The following IQCH variants were observed in gnomAD, a reference collection of about 807,000 sequenced individuals.
The protein encoded by IQCH is IQ motif containing H, also known as IQ domain-containing protein H.
Under a neutral mutation model 117.0 loss-of-function variants are expected in IQCH, and 98 were observed. The ratio of observed to expected loss-of-function variants is 0.84; its 90% CI spans 0.71 to 0.99. The LOEUF (loss-of-function observed/expected upper bound fraction) is 0.99, where lower values mean the gene tolerates loss of function less well. Among genes scored for constraint, IQCH ranks in the 50% least tolerant of loss-of-function variants. The pLI is 0.00. For missense variants in IQCH, 1,102 were observed against 1,243.8 expected (o/e 0.89, Z 1.72); for synonymous variants, 412 against 448.2 (o/e 0.92, Z 1.02).
rs1232568454 is a variant in IQCH, at chr15:67,369,082, G to A, written c.754-3029G>A. On this transcript the variant is annotated intron_variant, in intron 8 of 20. Coordinates refer to ENST00000335894, the MANE Select transcript of IQCH (RefSeq NM_001031715.3). This position sits in a 1 kb window ranked among gnomAD's most constrained non-coding sequence, Gnocchi z 5.2. ...TCTAAATTTTAGAATGCAACACTGG[G>A]TCTATCTTTTTTGCTTAACATCTGT... is the stretch of plus-strand genomic sequence containing the variant. Among the ~76,000 whole-genome samples, 4 of 152,030 alleles carry A rather than the reference G, an allele frequency of 2.6e-5. No homozygotes were observed. Among genetic ancestry groups the A allele is most frequent in the Non-Finnish European group, 4.4e-5 (3 of 68,008 alleles).
At chr15:67,418,513 CCACACACACACA>C (rs368875296) in intron 15 of IQCH, among the ~76,000 whole-genome samples, 90 of 114,108 alleles carry the variant, frequency 7.9e-4, no homozygotes, top group Middle Eastern at 5.2e-3. Flanking sequence ...CAAGTGGCTA[CCACACACACACA>C]CACACACACA....
At chr15:67,309,404 G>T (rs1386288849) in intron 4 of IQCH, among the ~76,000 whole-genome samples, 1 of 152,076 alleles carries the variant, frequency 6.6e-6, no homozygotes, top group Non-Finnish European at 1.5e-5. Context: ...GGACCTTGTT[G>T]TCTGTTCTGT....
chr15:67,385,505 A>C lies in IQCH; in HGVS notation c.1456+486A>C, dbSNP rs1971080593. ...TAAATATAGAGCATCTTATTATTAG[A>C]AAACGTGAAGTGCTTAATGGAGGGA... On this transcript the variant is annotated intron_variant, in intron 11 of 20. Transcript: ENST00000335894. The surrounding 1 kb of genome is among the most constrained non-coding windows in gnomAD (Gnocchi z 4.6). Among the ~76,000 whole-genome samples the C allele has an allele frequency of 6.6e-6, 1 of 152,196 alleles. No individual in the cohort carries two copies. Among genetic ancestry groups the C allele is most frequent in the Non-Finnish European group, 1.5e-5 (1 of 68,036 alleles).
rs1969202285 is a variant in IQCH, at chr15:67,342,106, A to G, written c.509-1957A>G. Among the ~76,000 whole-genome samples the G allele has an allele frequency of 6.6e-6, 1 of 151,810 alleles. No individual in the cohort carries two copies. The highest frequency in any genetic ancestry group is 2.1e-4 in the South Asian group (1 of 4,800). On this transcript the variant is annotated intron_variant, in intron 5 of 20. Transcript: ENST00000335894. This position sits in a 1 kb window ranked among gnomAD's most constrained non-coding sequence, Gnocchi z 4.7. ...GACAATATAGCAAGACCTAGTCTCT[A>G]CATTAAAAAAAAAAAAGCCAGACAT...
At position 67,443,083 on chromosome 15, in the gene IQCH, C is replaced by G. The variant is rs2082317753; in HGVS notation, c.2505+21506C>G. Reference sequence around the variant, plus strand: ...TCTCGGCTCACTGCAAGCTCCGCCTCCCGGGTTCACACCATTTTCCTGCCT... The same window carrying G: ...TCTCGGCTCACTGCAAGCTCCGCCTGCCGGGTTCACACCATTTTCCTGCCT... On this transcript the variant is annotated intron_variant, in intron 16 of 20. Coordinates refer to ENST00000335894, the MANE Select transcript of IQCH (RefSeq NM_001031715.3). The surrounding 1 kb of genome is among the most constrained non-coding windows in gnomAD (Gnocchi z 5.0). Among the ~76,000 whole-genome samples the G allele has an allele frequency of 6.6e-6, 1 of 151,802 alleles. No homozygotes were observed. The highest frequency in any genetic ancestry group is 1.5e-5 in the Non-Finnish European group (1 of 67,964).
rs1321349381 is a variant in IQCH at position 67,359,507 on chromosome 15, A to T, written c.715-340A>T. ...TTCAGTATGCCAAGCCTCGTGATAG[A>T]GCCAGTACAGACCTTTGATCAGACA... On this transcript the variant is annotated intron_variant, in intron 7 of 20. Coordinates refer to ENST00000335894, the MANE Select transcript of IQCH (RefSeq NM_001031715.3). This position sits in a 1 kb window ranked among gnomAD's most constrained non-coding sequence, Gnocchi z 4.5. Among the ~76,000 whole-genome samples the T allele has an allele frequency of 6.6e-6, 1 of 152,226 alleles. No homozygotes were observed. Among genetic ancestry groups the T allele is most frequent in the Non-Finnish European group, 1.5e-5 (1 of 68,036 alleles).
chr15:67,344,211 C>A lies in IQCH; in HGVS notation c.637+20C>A. The A allele has an allele frequency of 6.2e-7, 1 of 1,610,758 alleles. No individual in the cohort carries two copies. The highest frequency in any genetic ancestry group is 1.1e-5 in the South Asian group (1 of 90,426). On this transcript the variant is annotated intron_variant, in intron 6 of 20. Coordinates refer to ENST00000335894, the MANE Select transcript of IQCH (RefSeq NM_001031715.3). The stretch of plus-strand genomic sequence containing the variant: ...CTGTAGGTAAGATACTCATGCATCT[C>A]AGTTCAGTTGGGGACACACAGAAAT...
At chr15:67,462,657 A>G (rs1368043772) in intron 16 of IQCH, among the ~76,000 whole-genome samples, 2 of 152,092 alleles carry the variant, frequency 1.3e-5, no homozygotes, top group African/African-American at 4.8e-5. Context: ...TCTTTCCCCT[A>G]CACTGTGCTG....
At chr15:67,267,917 A>G (rs972293600) in intron 3 of IQCH, among the ~76,000 whole-genome samples, 22 of 152,228 alleles carry the variant, frequency 1.4e-4, no homozygotes, top group African/African-American at 4.8e-4. Context: ...CTTCATCATC[A>G]TCATTAATAT....
intron 1 of IQCH, 84 bp downstream of exon 1, chr15:67,255,031 C>T: frequency 1.5e-6 from 2 of 1,367,654 alleles, no homozygotes; most frequent in East Asian, 4.9e-5. Flanking sequence ...CACCGACGCT[C>T]ACCCATTTGG....
At position 67,263,528 on chromosome 15, in the gene IQCH, A is replaced by T. The variant is rs181781035; in HGVS notation, c.269+312A>T. On this transcript the variant is annotated intron_variant, in intron 3 of 20. Coordinates refer to ENST00000335894, the MANE Select transcript of IQCH (RefSeq NM_001031715.3). ...AGTTAATGGTAGAATTTGGACTTCAATGAAGTGATTATAGATTATTTCTAT... is the reference window on the plus strand; with the variant it reads ...AGTTAATGGTAGAATTTGGACTTCATTGAAGTGATTATAGATTATTTCTAT... Among the ~76,000 whole-genome samples the T allele has an allele frequency of 6.8e-4, 104 of 152,342 alleles. 4 individuals are homozygous for T. The East Asian group carries it at 0.012, about 17-fold the overall frequency.
At position 67,479,870 on chromosome 15, in the gene IQCH, G is replaced by C. The variant is rs1202428423; in HGVS notation, c.2799+4052G>C. ...AATGATGTTCTTGTCCAAAGTCCCA[G>C]GGGGAAAAAAGGGAAATGAGATCAC... is the stretch of plus-strand genomic sequence containing the variant. On this transcript the variant is annotated intron_variant, in intron 18 of 20. Coordinates refer to ENST00000335894, the MANE Select transcript of IQCH (RefSeq NM_001031715.3). The surrounding 1 kb of genome is among the most constrained non-coding windows in gnomAD (Gnocchi z 4.6). 6.6e-6 allele frequency among the ~76,000 whole-genome samples: 1 copy of C among 152,094 alleles called. No homozygotes were observed.
At chr15:67,325,329 G>A (rs1409998221) in intron 4 of IQCH, among the ~76,000 whole-genome samples, 1 of 150,920 alleles carries the variant, frequency 6.6e-6, no homozygotes, top group Non-Finnish European at 1.5e-5. Context: ...ATTTTTTAAG[G>A]TCCTTAAAAT....
intron 16 of IQCH, among the ~76,000 whole-genome samples, chr15:67,428,509 T>G (rs191961550): frequency 2.7e-4 from 41 of 152,062 alleles, no homozygotes; most frequent in African/African-American, 9.6e-4. Flanking sequence ...TTGGGAAGAG[T>G]AGCTTGCATT....
chr15:67,490,562 T>G lies in IQCH; in HGVS notation c.2861+498T>G, dbSNP rs1237479707. On this transcript the variant is annotated intron_variant, in intron 19 of 20. Transcript: ENST00000335894. This position sits in a 1 kb window ranked among gnomAD's most constrained non-coding sequence, Gnocchi z 4.9. ...ATGGGGGTTTATAAATATAATTGATTAATTACCTAAAATTAATGGGTAAGA... is the reference window on the plus strand; with the variant it reads ...ATGGGGGTTTATAAATATAATTGATGAATTACCTAAAATTAATGGGTAAGA... Among the ~76,000 whole-genome samples the G allele has an allele frequency of 6.6e-6, 1 of 152,176 alleles. No homozygotes were observed. The highest frequency in any genetic ancestry group is 1.5e-5 in the Non-Finnish European group (1 of 68,030).
At position 67,473,748 on chromosome 15, in the gene IQCH, A is replaced by T. The variant is rs2083129010; in HGVS notation, c.2677-1948A>T. 6.6e-6 allele frequency among the ~76,000 whole-genome samples: 1 copy of T among 152,186 alleles called. No individual in the cohort carries two copies. Among genetic ancestry groups the T allele is most frequent in the African/African-American group, 2.4e-5 (1 of 41,454 alleles). On this transcript the variant is annotated intron_variant, in intron 17 of 20. Transcript: ENST00000335894. This position sits in a 1 kb window ranked among gnomAD's most constrained non-coding sequence, Gnocchi z 4.9. ...GTCATGGAGGGCAGATGACCAAGGG[A>T]ACAACTCATGATAGGTCAGGGTGAC...
intron 9 of IQCH, among the ~76,000 whole-genome samples, chr15:67,373,035 C>G (rs950861703): frequency 4.6e-5 from 7 of 152,104 alleles, no homozygotes; most frequent in African/African-American, 1.7e-4. Context: ...AAAAAATCCT[C>G]TCTTGTCTAC....
chr15:67,451,029 C>T (rs2082511301), intron 16 of IQCH, among the ~76,000 whole-genome samples: 1 of 152,172 alleles, frequency 6.6e-6, no homozygotes, highest in Non-Finnish European at 1.5e-5. Context: ...TTATAGTATT[C>T]TCTGATGGTA....
rs575188997 is a variant in IQCH, at chr15:67,301,765, A to G, written c.387+22253A>G. On this transcript the variant is annotated intron_variant, in intron 4 of 20. Coordinates refer to ENST00000335894, the MANE Select transcript of IQCH (RefSeq NM_001031715.3). ...CCTTTTAAGTGTTTTTGAAAAGAGC[A>G]ATTAAATCATGTGTGCTACATATTA... Among the ~76,000 whole-genome samples the G allele has an allele frequency of 3.3e-5, 5 of 152,240 alleles. No homozygotes were observed. The South Asian group carries it at 1.0e-3, about 32-fold the overall frequency.
Sources: allele counts gnomAD v4.1 joint callset (sites outside exome capture counted in the v4.1 genomes callset), GRCh38; gene constraint gnomAD v4.1.1; non-coding constraint Gnocchi (gnomAD v3.1); transcripts MANE v1.5; gene names NCBI Gene and HGNC (gene_info 2026-07-23, HGNC 2026-07-21).